Variants in PDPN observed in about 807,000 individuals in gnomAD.
PDPN encodes PA2.26 antigen.
In PDPN, 12 loss-of-function variants were observed where a neutral mutation model predicts 23.2. The observed-to-expected ratio is 0.52, with a 90% CI of 0.33 to 0.84. The LOEUF (loss-of-function observed/expected upper bound fraction) is 0.84, where lower values mean the gene tolerates loss of function less well. PDPN is among the 40% of genes least tolerant of loss of function. The pLI is 0.02. For synonymous variants in PDPN, 77 were observed against 76.7 expected (o/e 1.00, Z -0.02); for missense variants, 199 against 212.2 (o/e 0.94, Z 0.39).
intron 5 of PDPN, 47 bp downstream of exon 5, chr1:13,614,458 G>A (rs773246212): frequency 3.2e-5 from 31 of 971,230 alleles, no homozygotes; most frequent in Admixed American, 8.9e-5. Context: ...GAAAGCCATC[G>A]TGTCTAGAAC....
intron 4 of PDPN, 44 bp downstream of exon 4, chr1:13,613,769 T>TA: frequency 9.0e-7 from 1 of 1,115,982 alleles, no homozygotes; most frequent in Non-Finnish European, 1.4e-6. Context: ...TGGGGTTTTT[T>TA]AAAAATTTCT....
chr1:13,585,434 A>G, intron 1 of PDPN: 1 of 1,238,074 alleles, frequency 8.1e-7, no homozygotes, highest in Middle Eastern at 3.6e-4. Context: ...TGGAATATAT[A>G]CAGTTCTGTA....
At chr1:13,585,985 G>C (rs1640168521) in intron 1 of PDPN, among the ~76,000 whole-genome samples, 2 of 152,074 alleles carry the variant, frequency 1.3e-5, no homozygotes, top group African/African-American at 4.8e-5. Context: ...TTTATAATCT[G>C]GTCCCATGTG....
intron 1 of PDPN, among the ~76,000 whole-genome samples, chr1:13,603,583 C>A (rs1640704788): frequency 6.6e-6 from 1 of 151,674 alleles, no homozygotes. Context: ...ATAGAAACTT[C>A]AGCCTAGCTT....
chr1:13,596,842 C>G lies in PDPN; in HGVS notation c.68-10331C>G, dbSNP rs573631136. On this transcript the variant is annotated intron_variant, in intron 1 of 5. Transcript: ENST00000621990. ...ACTTCAGGTTGACTGAGGGAAGCAA[C>G]AGCAAACAGCTAAGTTTGGGACATT... Among the ~76,000 whole-genome samples the G allele has an allele frequency of 1.1e-3, 164 of 152,266 alleles. 1 individual carries two copies. Among genetic ancestry groups the G allele is most frequent in the Non-Finnish European group, 2.2e-3 (148 of 68,032 alleles).
In PDPN at chr1:13,584,796, AT is replaced by A. The variant is rs76597756; in HGVS notation, c.67+697del. Among the ~76,000 whole-genome samples, 1,290 of 152,288 alleles carry A rather than the reference AT, an allele frequency of 8.5e-3. 38 individuals carry two copies. Among genetic ancestry groups the A allele is most frequent in the East Asian group, 0.08 (416 of 5,172 alleles). Reference sequence around the variant, plus strand: ...CCACGTGTTCATCTTGGGCAACAACATCAGTGGCTGAATGTCTGTTGGTGAC... The same window carrying A: ...CCACGTGTTCATCTTGGGCAACAACACAGTGGCTGAATGTCTGTTGGTGAC... On this transcript the variant is annotated intron_variant, in intron 1 of 5. Transcript: ENST00000621990.
chr1:13,599,372 T>A (rs1640581766), intron 1 of PDPN, among the ~76,000 whole-genome samples: 1 of 120,150 alleles, frequency 8.3e-6, no homozygotes, highest in Admixed American at 9.4e-5. Flanking sequence ...CGAGAAGCTA[T>A]CTTTTTTTTT....
Position 13,607,154 on chromosome 1 carries a change from C to T in PDPN, c.68-19C>T. On this transcript the variant is annotated intron_variant, in intron 1 of 5. Transcript: ENST00000621990. ...ATGCAATTTCCACCTTAAGCTCTGA[C>T]TCAATCTTTCTTCTTCAGCCAGCAC... 2 of 1,611,682 alleles carry T rather than the reference C, an allele frequency of 1.2e-6. No individual in the cohort carries two copies. Among genetic ancestry groups the T allele is most frequent in the Non-Finnish European group, 1.7e-6 (2 of 1,178,832 alleles).
chr1:13,592,459 T>C (rs1640371923), intron 1 of PDPN, among the ~76,000 whole-genome samples: 1 of 152,192 alleles, frequency 6.6e-6, no homozygotes, highest in African/African-American at 2.4e-5. Context: ...AGTTCATTTT[T>C]GTGTGGGCTA....
chr1:13,609,689 C>T (rs1640884550), intron 2 of PDPN, among the ~76,000 whole-genome samples: 1 of 152,180 alleles, frequency 6.6e-6, no homozygotes, highest in South Asian at 2.1e-4. Flanking sequence ...TAGTACTTGT[C>T]TTTTGTGACT....
intron 5 of PDPN, 90 bp downstream of exon 5, chr1:13,614,501 T>A: frequency 1.3e-6 from 1 of 773,168 alleles, no homozygotes; most frequent in Admixed American, 2.0e-5. Context: ...ATCTCTGATA[T>A]AAGCTGGGTG....
intron 1 of PDPN, among the ~76,000 whole-genome samples, chr1:13,603,112 A>T (rs1016347625): frequency 8.5e-5 from 13 of 152,152 alleles, no homozygotes; most frequent in Admixed American, 5.2e-4. Context: ...AAAGAAAGAA[A>T]TTCTGTTTAA....
intron 1 of PDPN, among the ~76,000 whole-genome samples, chr1:13,606,129 A>T (rs1423466732): frequency 6.6e-6 from 1 of 151,998 alleles, no homozygotes; most frequent in East Asian, 1.9e-4. Flanking sequence ...AGCTAGGATT[A>T]TAGGTGCCCA....
chr1:13,584,390 C>A, intron 1 of PDPN: 1 of 1,306,448 alleles, frequency 7.7e-7, no homozygotes, highest in Non-Finnish European at 1.0e-6. Context: ...CCAGAGAGAT[C>A]GGGTGGAAGG....
intron 1 of PDPN, among the ~76,000 whole-genome samples, chr1:13,605,151 GCTGT>G (rs1311943365): frequency 6.6e-6 from 1 of 151,556 alleles, no homozygotes; most frequent in African/African-American, 2.4e-5. Flanking sequence ...CTCTGGCTGG[GCTGT>G]CTAAGCAGTG....
chr1:13,583,999 T>G lies in PDPN; in HGVS notation c.-35T>G. On this transcript the variant is annotated 5_prime_UTR_variant, in exon 1 of 6. Transcript: ENST00000621990. ...TTCCCCCAGCTCAGAATCTTGCTGC[T>G]CGGCCCCCAGGAGAGCAACAACTCA... The G allele has an allele frequency of 1.2e-6, 2 of 1,613,568 alleles. No homozygotes were observed. Among genetic ancestry groups the G allele is most frequent in the South Asian group, 2.2e-5 (2 of 91,078 alleles).
intron 5 of PDPN, 167 bp downstream of exon 5, chr1:13,614,578 C>A (rs1217238401): frequency 1.0e-5 from 6 of 573,442 alleles, no homozygotes; most frequent in Admixed American, 3.1e-5. Context: ...CATAGTAAGA[C>A]CCTGTCTCAA....
At chr1:13,597,633 G>A (rs1640530865) in intron 1 of PDPN, among the ~76,000 whole-genome samples, 1 of 152,052 alleles carries the variant, frequency 6.6e-6, no homozygotes, top group Non-Finnish European at 1.5e-5. Context: ...ACTCAGCATC[G>A]CAAAGGGGCA....
At chr1:13,597,287 C>T (rs1640521505) in intron 1 of PDPN, among the ~76,000 whole-genome samples, 1 of 152,168 alleles carries the variant, frequency 6.6e-6, no homozygotes, top group African/African-American at 2.4e-5. Context: ...TCTACAAAGA[C>T]ATTTATTTGC....
Sources: allele counts gnomAD v4.1 joint callset (sites outside exome capture counted in the v4.1 genomes callset), GRCh38; gene constraint gnomAD v4.1.1; transcripts MANE v1.5; gene names NCBI Gene and HGNC (gene_info 2026-07-23, HGNC 2026-07-21).